The following ARPC1A variants were observed in gnomAD, a reference collection of about 807,000 sequenced individuals.
ARPC1A encodes actin related protein 2/3 complex subunit 1A.
A neutral mutation model predicts 46.9 loss-of-function variants in ARPC1A; 8 were observed. The observed-to-expected ratio is 0.17, with a 90% CI of 0.10 to 0.31. The LOEUF is 0.31. Among genes scored for constraint, ARPC1A ranks in the 10% least tolerant of loss-of-function variants. ARPC1A has a pLI of 1.00. For synonymous variants in ARPC1A, 152 were observed against 169.0 expected, an observed-to-expected ratio of 0.90 and a Z score of 0.78; for missense variants, 286 against 483.6, an observed-to-expected ratio of 0.59 and a Z score of 3.83.
At position 99,338,185 on chromosome 7, in the gene ARPC1A, T is replaced by G. The variant is rs540837088; in HGVS notation, c.69T>G (p.Ile23Met). 30 of 1,608,370 alleles carry G rather than the reference T, an allele frequency of 1.9e-5. No homozygotes were observed. In the African/African-American group the frequency reaches 3.3e-4, roughly 18 times the overall value. The change falls in exon 3 of 10, where the codon ATT becomes ATG. Residue 23 changes from isoleucine to methionine, a missense_variant. By Grantham distance (10) the Ile-to-Met change is conservative. This residue lies in a region of ARPC1A where 55 missense variants were observed against 59.4 expected (regional missense o/e 0.93). Coordinates refer to ENST00000262942, the MANE Select transcript of ARPC1A (RefSeq NM_006409.4). ...TTGTTTGACTTGTGTCTCCAGAGAT[T>G]GCCCTCAGTCCCAATAATCACGAAG... ...CHAWNRDRTQ[I>M]ALSPNNHEVH...
At chr7:99,335,918 C>T (rs1793243332) in intron 2 of ARPC1A, among the ~76,000 whole-genome samples, 1 of 151,604 alleles carries the variant, frequency 6.6e-6, no homozygotes, top group African/African-American at 2.4e-5. Flanking sequence ...TGTGCCACCG[C>T]ACTCCAGCCT....
At chr7:99,361,894 G>A (rs1793746295) in intron 8 of ARPC1A, among the ~76,000 whole-genome samples, 1 of 152,208 alleles carries the variant, frequency 6.6e-6, no homozygotes, top group African/African-American at 2.4e-5. Flanking sequence ...AACAGATGAG[G>A]TGGCTGTGTT....
intron 8 of ARPC1A, 44 bp from the exon 9 acceptor site, chr7:99,363,499 T>TC (rs34680035): frequency 7.1e-7 from 1 of 1,404,844 alleles, no homozygotes; most frequent in Non-Finnish European, 1.0e-6. Context: ...TGTGTTCACT[T>TC]CCACTACATA....
At chr7:99,352,780 C>T (rs184621077) in intron 5 of ARPC1A, among the ~76,000 whole-genome samples, 1 of 151,822 alleles carries the variant, frequency 6.6e-6, no homozygotes, top group Non-Finnish European at 1.5e-5. Context: ...GCCTGGTCAA[C>T]ATGGTGAAAC....
At chr7:99,333,861 G>T (rs1207312638) in intron 2 of ARPC1A, among the ~76,000 whole-genome samples, 2 of 152,232 alleles carry the variant, frequency 1.3e-5, no homozygotes, top group South Asian at 2.1e-4. Flanking sequence ...ATGAGGCTGG[G>T]TGCAGTGGCT....
intron 8 of ARPC1A, among the ~76,000 whole-genome samples, chr7:99,363,083 C>T (rs931880298): frequency 1.3e-5 from 2 of 152,186 alleles, no homozygotes; most frequent in South Asian, 2.1e-4. Context: ...TACCCACAAC[C>T]TGCTCCCAGC....
chr7:99,352,182 A>G (rs895988299), intron 5 of ARPC1A, among the ~76,000 whole-genome samples: 3 of 152,120 alleles, frequency 2.0e-5, no homozygotes, highest in Non-Finnish European at 4.4e-5. Flanking sequence ...GTTGAGAATG[A>G]TGGTAAGGTA....
At chr7:99,358,478 TG>T in intron 7 of ARPC1A, 63 bp downstream of exon 7, 1 of 1,409,438 alleles carries the variant, frequency 7.1e-7, no homozygotes, top group Non-Finnish European at 1.0e-6. Context: ...CAGGGAACAA[TG>T]TGTGCTCTGT....
At chr7:99,337,335 C>G (rs1461991797) in intron 2 of ARPC1A, among the ~76,000 whole-genome samples, 1 of 152,142 alleles carries the variant, frequency 6.6e-6, no homozygotes, top group Admixed American at 6.5e-5. Flanking sequence ...GCAGGAGAAT[C>G]GCTTGAACCT....
intron 2 of ARPC1A, among the ~76,000 whole-genome samples, chr7:99,337,898 A>C (rs1427104167): frequency 6.6e-6 from 1 of 152,178 alleles, no homozygotes; most frequent in Admixed American, 6.6e-5. Flanking sequence ...AAGTACACTA[A>C]CATTGTTTAT....
chr7:99,335,091 G>A (rs1466339956), intron 2 of ARPC1A, among the ~76,000 whole-genome samples: 3 of 152,106 alleles, frequency 2.0e-5, no homozygotes, highest in South Asian at 2.1e-4. Context: ...TGATCTGCCC[G>A]CCTTGGCCTC....
intron 1 of ARPC1A, 38 bp from the exon 2 acceptor site, chr7:99,333,287 C>G (rs1793179035): frequency 1.5e-6 from 2 of 1,343,632 alleles, no homozygotes; most frequent in South Asian, 1.2e-5. Flanking sequence ...TGCCTTTTCC[C>G]TATTGTATAA....
intron 2 of ARPC1A, chr7:99,335,530 C>A: frequency 3.2e-6 from 1 of 308,952 alleles, no homozygotes; most frequent in South Asian, 2.3e-5. Flanking sequence ...TTGTTCTTTT[C>A]AAGATTATTT....
At chr7:99,352,315 AACCTGGC>A (rs1793555964) in intron 5 of ARPC1A, among the ~76,000 whole-genome samples, 1 of 152,242 alleles carries the variant, frequency 6.6e-6, no homozygotes, top group South Asian at 2.1e-4. Flanking sequence ...ACTACTTCAG[AACCTGGC>A]ACCCACAGCC....
chr7:99,353,182 G>T (rs976927855), intron 5 of ARPC1A, among the ~76,000 whole-genome samples: 1 of 149,756 alleles, frequency 6.7e-6, no homozygotes, highest in Non-Finnish European at 1.5e-5. Flanking sequence ...TTTTAGAGAC[G>T]GTGTCTCGCT....
chr7:99,340,317 A>G (rs958183566), intron 3 of ARPC1A, among the ~76,000 whole-genome samples: 49 of 152,098 alleles, frequency 3.2e-4, no homozygotes, highest in African/African-American at 1.1e-3. Context: ...TGCCTGCCAC[A>G]ATGCCCAGCT....
intron 3 of ARPC1A, 75 bp downstream of exon 3, chr7:99,338,360 T>C: frequency 3.7e-6 from 3 of 816,810 alleles, no homozygotes; most frequent in Middle Eastern, 3.8e-4. Context: ...AAGAGCCTAA[T>C]AAACCCAGGT....
intron 3 of ARPC1A, 107 bp from the exon 4 acceptor site, chr7:99,344,186 G>C: frequency 1.0e-6 from 1 of 980,526 alleles, no homozygotes; most frequent in South Asian, 1.5e-5. Context: ...TGGGAGGAAG[G>C]TCCCAAGACC....
chr7:99,352,644 C>A (rs535073309), intron 5 of ARPC1A, among the ~76,000 whole-genome samples: 1 of 149,796 alleles, frequency 6.7e-6, no homozygotes, highest in East Asian at 2.0e-4. Context: ...CAGAGCCAGA[C>A]CCCCGTCTCT....
Sources: gnomAD v4.1 joint callset for allele counts (sites outside exome capture counted in the v4.1 genomes callset) on GRCh38, gnomAD v4.1.1 for gene constraint, gnomAD v4.1.1 regional missense constraint, MANE v1.5 for transcripts, NCBI Gene and HGNC (gene_info 2026-07-23, HGNC 2026-07-21) for gene names.